The following BRD8 variants were observed in gnomAD, a reference collection of about 807,000 sequenced individuals.
The protein encoded by BRD8 is bromodomain containing 8.
In BRD8, 67 loss-of-function variants were observed where a neutral mutation model predicts 143.1. The ratio of observed to expected loss-of-function variants is 0.47; its 90% CI spans 0.38 to 0.57. The LOEUF is 0.57. Ranked by LOEUF, BRD8 falls within the 20% of genes least tolerant of loss-of-function variation. The pLI is 0.00. For missense variants in BRD8, 1,103 were observed against 1,503.0 expected, an observed-to-expected ratio of 0.73 and a Z score of 4.40; for synonymous variants, 505 against 517.1, an observed-to-expected ratio of 0.98 and a Z score of 0.32.
In BRD8 at chr5:138,164,836, G is replaced by A. The variant is rs536180721; in HGVS notation, c.1609C>T (p.Pro537Ser). 1 of 1,614,158 alleles carries A rather than the reference G, an allele frequency of 6.2e-7. No homozygotes were observed. The highest frequency in any genetic ancestry group is 2.2e-5 in the East Asian group (1 of 44,886). The change falls in exon 12 of 27, where the codon CCA becomes TCA. Residue 537 changes from proline (P) to serine (S), a missense_variant. Transcript: ENST00000254900. ...GVVPATSMEPPELRSQDLDEE... is the reference protein window; with the variant it reads ...GVVPATSMEPSELRSQDLDEE... ...TCTAAGTCCTGACTCCTGAGTTCTG[G>A]TGGCTCCATACTTGTGGCTGGAACA... is the stretch of plus-strand genomic sequence containing the variant.
At position 138,140,146 on chromosome 5, in the gene BRD8, G is replaced by T. The variant is rs765279438; in HGVS notation, c.3636C>A (p.Asp1212Glu). Residue 1212 changes from aspartate (D) to glutamate (E), a missense_variant, in exon 27 of 27, where the codon GAC becomes GAA. Coordinates refer to ENST00000254900, the MANE Select transcript of BRD8 (RefSeq NM_139199.2). Reference sequence around the variant, plus strand: ...CCAGACTACTTGAGCCTTTTCTTTTGTCTAACCAGATATTCAGTACCTAAA... The same window carrying T: ...CCAGACTACTTGAGCCTTTTCTTTTTTCTAACCAGATATTCAGTACCTAAA... ...EQIQVLNIWL[D>E]KRKGSSSLEG... 1.1e-5 allele frequency: 18 copies of T among 1,613,156 alleles called. No homozygotes were observed. The highest frequency in any genetic ancestry group is 1.5e-5 in the Non-Finnish European group (18 of 1,179,246).
intron 20 of BRD8, among the ~76,000 whole-genome samples, chr5:138,158,670 C>T (rs1446949834): frequency 6.6e-6 from 1 of 150,924 alleles, no homozygotes; most frequent in African/African-American, 2.4e-5. Flanking sequence ...CTCGAACTCC[C>T]GACCTCAGGT....
intron 20 of BRD8, chr5:138,157,024 T>C (rs1581420799): frequency 6.9e-7 from 1 of 1,442,658 alleles, no homozygotes; most frequent in East Asian, 2.5e-5. Context: ...TAGCCCATGG[T>C]TTCTGCCCTA....
intron 20 of BRD8, among the ~76,000 whole-genome samples, chr5:138,154,839 T>G (rs1294920930): frequency 6.6e-6 from 1 of 151,206 alleles, no homozygotes; most frequent in East Asian, 1.9e-4. Context: ...ACTTTTTTTT[T>G]TTTTTTTTTG....
At chr5:138,160,437 T>G (rs1752920965) in intron 18 of BRD8, among the ~76,000 whole-genome samples, 1 of 152,162 alleles carries the variant, frequency 6.6e-6, no homozygotes. Flanking sequence ...AAAACTAGAA[T>G]GAACCAAAGA....
At chr5:138,145,134 G>A in intron 25 of BRD8, 43 bp downstream of exon 25, 2 of 1,552,036 alleles carry the variant, frequency 1.3e-6, no homozygotes, top group Non-Finnish European at 1.8e-6. Flanking sequence ...TGAAAAGGCA[G>A]ATATAAAAGC....
Position 138,139,782 on chromosome 5 carries a change from A to G in BRD8, c.*292T>C, listed in dbSNP as rs145574850. On this transcript the variant is annotated 3_prime_UTR_variant, in exon 27 of 27. Coordinates refer to ENST00000254900, the MANE Select transcript of BRD8 (RefSeq NM_139199.2). ...AAAGCAATATTCCTATTGTGTAAAT[A>G]CATTTATTTATAGAGTAAAAGGCTT... The G allele has an allele frequency of 2.7e-4, 96 of 355,252 alleles. No individual in the cohort carries two copies. The East Asian group carries it at 4.5e-3, about 16-fold the overall frequency. The allele number at this position is 355,252 out of a possible 1,614,324, so 22.0% of individuals were successfully genotyped here.
intron 23 of BRD8, among the ~76,000 whole-genome samples, chr5:138,148,711 T>A (rs1198489980): frequency 2.0e-5 from 3 of 152,098 alleles, no homozygotes; most frequent in African/African-American, 7.2e-5. Context: ...CTCTTCCTTG[T>A]CTCCATCAAA....
At chr5:138,168,695 G>C in intron 8 of BRD8, 1 of 1,440,400 alleles carries the variant, frequency 6.9e-7, no homozygotes, top group Non-Finnish European at 9.7e-7. Context: ...TTACCTAAGA[G>C]ACAACAGAGA....
chr5:138,154,547 T>C (rs1169388527), intron 20 of BRD8, among the ~76,000 whole-genome samples: 1 of 152,224 alleles, frequency 6.6e-6, no homozygotes, highest in Non-Finnish European at 1.5e-5. Flanking sequence ...GTTTGCAACA[T>C]GTCCATGTAA....
chr5:138,150,220 C>G (rs1212367406), intron 22 of BRD8, among the ~76,000 whole-genome samples: 3 of 151,720 alleles, frequency 2.0e-5, no homozygotes, highest in Non-Finnish European at 4.4e-5. Flanking sequence ...TGGGCTCCCC[C>G]GAGACCCCTA....
intron 20 of BRD8, chr5:138,156,985 T>C (rs1752644224): frequency 2.9e-6 from 4 of 1,362,314 alleles, no homozygotes; most frequent in Non-Finnish European, 3.8e-6. Context: ...CTAGCTACGA[T>C]CTGCTAGCTA....
chr5:138,164,215 C>A, intron 13 of BRD8, 82 bp from the exon 14 acceptor site: 2 of 1,577,840 alleles, frequency 1.3e-6, no homozygotes, highest in Middle Eastern at 1.7e-4. Context: ...CTGCAGCTCT[C>A]CTTTACATGC....
At chr5:138,144,093 C>A (rs1477059088) in intron 25 of BRD8, among the ~76,000 whole-genome samples, 1 of 149,160 alleles carries the variant, frequency 6.7e-6, no homozygotes, top group Non-Finnish European at 1.5e-5. Context: ...AGACCACGAA[C>A]CCAACAAGAG....
At chr5:138,142,776 A>G (rs928715487) in intron 25 of BRD8, among the ~76,000 whole-genome samples, 1 of 150,988 alleles carries the variant, frequency 6.6e-6, no homozygotes, top group African/African-American at 2.4e-5. Context: ...AAAAAAAAAA[A>G]AAAATCCAAA....
intron 18 of BRD8, among the ~76,000 whole-genome samples, chr5:138,160,464 G>C (rs1752922149): frequency 6.6e-6 from 1 of 152,090 alleles, no homozygotes; most frequent in Non-Finnish European, 1.5e-5. Context: ...AGCAATTTAA[G>C]TAATTTGACA....
chr5:138,155,791 T>G (rs972244284), intron 20 of BRD8, among the ~76,000 whole-genome samples: 2 of 152,160 alleles, frequency 1.3e-5, no homozygotes, highest in Non-Finnish European at 2.9e-5. Flanking sequence ...CCTCGCAAAG[T>G]GCTGGGATTA....
At chr5:138,172,985 A>T in intron 2 of BRD8, 1 of 175,570 alleles carries the variant, frequency 5.7e-6, no homozygotes, top group Non-Finnish European at 1.2e-5. Flanking sequence ...GAAACTGCTA[A>T]CACTAGTAGA....
At chr5:138,169,090 G>T in intron 8 of BRD8, 132 bp downstream of exon 8, 1 of 989,572 alleles carries the variant, frequency 1.0e-6, no homozygotes, top group Non-Finnish European at 1.5e-6. Context: ...ACAGAACATG[G>T]TAAATTAAGT....
Sources: allele counts gnomAD v4.1 joint callset (sites outside exome capture counted in the v4.1 genomes callset), GRCh38; gene constraint gnomAD v4.1.1; transcripts MANE v1.5; gene names NCBI Gene and HGNC (gene_info 2026-07-23, HGNC 2026-07-21).